Variants in BRWD1 observed in about 807,000 individuals in gnomAD.
BRWD1 encodes bromodomain and WD repeat-containing protein 1.
In BRWD1, 82 loss-of-function variants were observed where a neutral mutation model predicts 251.2. That is an observed-to-expected ratio of 0.33 (90% CI 0.27 to 0.39). The LOEUF (loss-of-function observed/expected upper bound fraction) is 0.39, where lower values mean the gene tolerates loss of function less well. BRWD1 is among the 10% of genes least tolerant of loss of function. The pLI is 1.00. For synonymous variants in BRWD1, 918 were observed against 902.8 expected (o/e 1.02, Z -0.30); for missense variants, 2,233 against 2,711.6 (o/e 0.82, Z 3.92).
rs2034863663 is a variant in BRWD1, at chr21:39,264,655, A to G, written c.1690T>C (p.Tyr564His). The change falls in exon 17 of 41, where the codon TAT (tyrosine) becomes CAT (histidine). Residue 564 changes from tyrosine to histidine, a missense_variant. By Grantham distance (83) the Tyr-to-His change is moderately conservative (BLOSUM62 2). Coordinates refer to ENST00000342449, the MANE Select transcript of BRWD1 (RefSeq NM_033656.4). ...TTAGAATCTCTAATAAGTGGTCGAT[A>G]GTCAGTATGGAAGAACATCTGATCA... ...IPDQMFFHTD[Y>H]RPLIRDSNNY... 1 of 1,611,140 alleles carries G rather than the reference A, an allele frequency of 6.2e-7. No individual in the cohort carries two copies. Among genetic ancestry groups the G allele is most frequent in the South Asian group, 1.1e-5 (1 of 90,538 alleles).
rs377313924 is a variant in BRWD1 at position 39,210,926 on chromosome 21, G to A, written c.3904C>T (p.His1302Tyr). The A allele has an allele frequency of 9.9e-6, 16 of 1,609,344 alleles. No homozygotes were observed. Among genetic ancestry groups the A allele is most frequent in the Non-Finnish European group, 1.4e-5 (16 of 1,178,578 alleles). ...GCTCTGATGCTTTTTTTCCCATCAT[G>A]GACCTAAAAATACATTCACAGTCTT... ...PKTSSGRRRV[H>Y]DGKKSIRATN... The change falls in exon 35 of 41, where the codon CAT (histidine) becomes TAT (tyrosine). Residue 1302 changes from histidine to tyrosine, a missense_variant. Coordinates refer to ENST00000342449, the MANE Select transcript of BRWD1 (RefSeq NM_033656.4).
intron 8 of BRWD1, among the ~76,000 whole-genome samples, chr21:39,285,611 A>T (rs2035607703): frequency 6.6e-6 from 1 of 152,196 alleles, no homozygotes; most frequent in African/African-American, 2.4e-5. Flanking sequence ...TTATAGGTCA[A>T]CTAAAAACAA....
At chr21:39,224,538 A>G in intron 28 of BRWD1, 69 bp from the exon 29 acceptor site, 1 of 1,028,988 alleles carries the variant, frequency 9.7e-7, no homozygotes, top group Non-Finnish European at 1.5e-6. Context: ...GGTATCCATT[A>G]TAAAAATACA....
chr21:39,236,762 C>G lies in BRWD1; in HGVS notation c.2599G>C (p.Asp867His). The G allele has an allele frequency of 6.2e-7, 1 of 1,613,502 alleles. No individual in the cohort carries two copies. Among genetic ancestry groups the G allele is most frequent in the Non-Finnish European group, 8.5e-7 (1 of 1,179,860 alleles). ...TTGATGCCCGCATCAGCTGTCCAAT[C>G]GGAATATCTAGATGAAGAGTCACTA... ...SSSDSSSRYS[D>H]WTADAGINLQ... is the part of the protein sequence containing the mutation. The change falls in exon 23 of 41, where the codon GAT becomes CAT. Residue 867 changes from aspartate (D) to histidine (H), a missense_variant. By Grantham distance (81) the Asp-to-His change is moderately conservative. Transcript: ENST00000342449.
At chr21:39,199,706 T>G in intron 39 of BRWD1, 44 bp from the exon 40 acceptor site, 1 of 1,469,652 alleles carries the variant, frequency 6.8e-7, no homozygotes. Context: ...TTTTCCTTAT[T>G]TCAACATTTT....
At chr21:39,226,610 C>T (rs142168672) in intron 27 of BRWD1, among the ~76,000 whole-genome samples, 1 of 152,310 alleles carries the variant, frequency 6.6e-6, no homozygotes, top group East Asian at 1.9e-4. Context: ...CACAACTATA[C>T]AACCTGCTAA....
chr21:39,212,799 T>A, intron 33 of BRWD1, 92 bp from the exon 34 acceptor site: 1 of 907,142 alleles, frequency 1.1e-6, no homozygotes, highest in Non-Finnish European at 1.7e-6. Flanking sequence ...AGACATTTGG[T>A]ATTACCAGAG....
chr21:39,305,310 C>T (rs1385361828), intron 4 of BRWD1, among the ~76,000 whole-genome samples: 1 of 152,054 alleles, frequency 6.6e-6, no homozygotes, highest in Non-Finnish European at 1.5e-5. Context: ...AGTAAGCTTG[C>T]AAAAATCCAT....
intron 28 of BRWD1, 117 bp downstream of exon 28, chr21:39,224,969 C>T (rs1219499999): frequency 4.0e-6 from 3 of 758,526 alleles, no homozygotes; most frequent in South Asian, 1.7e-5. Flanking sequence ...GTCAGCCTGA[C>T]ATGACTTAAT....
Position 39,280,233 on chromosome 21 carries a change from T to C in BRWD1, c.847A>G (p.Lys283Glu). Residue 283 changes from lysine to glutamate, a missense_variant, in exon 9 of 41, where the codon AAA becomes GAA. Physicochemically the swap from Lys to Glu is moderately conservative, Grantham distance 56. Coordinates refer to ENST00000342449, the MANE Select transcript of BRWD1 (RefSeq NM_033656.4). ...GAAACCATGTATCTTTGAGAGCCTT[T>C]GGCCATCGGGCTAAACTAAAAAGTA... ...ITSLQFSPMAKGSQRYMVSTG... is the reference protein window; with the variant it reads ...ITSLQFSPMAEGSQRYMVSTG... 1.2e-6 allele frequency: 2 copies of C among 1,606,210 alleles called. No homozygotes were observed. The highest frequency in any genetic ancestry group is 1.1e-5 in the South Asian group (1 of 89,086).
At chr21:39,200,480 C>G in intron 38 of BRWD1, 94 bp from the exon 39 acceptor site, 1 of 1,014,840 alleles carries the variant, frequency 9.9e-7, no homozygotes, top group Non-Finnish European at 1.4e-6. Context: ...CATTACATAA[C>G]ATTACTACAA....
intron 36 of BRWD1, 75 bp from the exon 37 acceptor site, chr21:39,206,349 G>A (rs1160119639): frequency 2.6e-6 from 3 of 1,136,236 alleles, no homozygotes; most frequent in East Asian, 2.5e-5. Flanking sequence ...TAATCATTGA[G>A]ATCCCTTGCA....
At chr21:39,251,887 A>G (rs2034405921) in intron 19 of BRWD1, among the ~76,000 whole-genome samples, 1 of 152,212 alleles carries the variant, frequency 6.6e-6, no homozygotes, top group Non-Finnish European at 1.5e-5. Flanking sequence ...CATAGGTATC[A>G]TTTTCAGCTG....
intron 19 of BRWD1, among the ~76,000 whole-genome samples, chr21:39,253,333 G>A (rs901118550): frequency 2.0e-5 from 3 of 147,142 alleles, no homozygotes; most frequent in African/African-American, 5.0e-5. Context: ...CAAGCTCCAC[G>A]ATGGGGATGA....
chr21:39,301,625 C>G (rs369934142), intron 4 of BRWD1, among the ~76,000 whole-genome samples: 94 of 152,308 alleles, frequency 6.2e-4, no homozygotes, highest in African/African-American at 2.2e-3. Flanking sequence ...GGGAACCCAT[C>G]TGAGCTGTGT....
intron 17 of BRWD1, among the ~76,000 whole-genome samples, chr21:39,260,224 C>T (rs1568925794): frequency 6.6e-6 from 1 of 151,952 alleles, no homozygotes; most frequent in Non-Finnish European, 1.5e-5. Flanking sequence ...AAGATTACAA[C>T]ATGATACCAA....
At chr21:39,228,704 AT>A (rs992665939) in intron 26 of BRWD1, 122 bp from the exon 27 acceptor site, 5 of 584,138 alleles carry the variant, frequency 8.6e-6, no homozygotes, top group Non-Finnish European at 1.2e-5. Flanking sequence ...AACCAGCTAT[AT>A]TTTAAAAGGT....
chr21:39,284,413 A>G (rs769487204), intron 8 of BRWD1, among the ~76,000 whole-genome samples: 3 of 152,182 alleles, frequency 2.0e-5, no homozygotes, highest in Non-Finnish European at 4.4e-5. Flanking sequence ...CATAAGTTTG[A>G]GGCCAAGCGA....
At chr21:39,203,462 T>TTTTTTTTTA (rs869282195) in intron 37 of BRWD1, among the ~76,000 whole-genome samples, 1 of 117,610 alleles carries the variant, frequency 8.5e-6, no homozygotes, top group Non-Finnish European at 1.8e-5. Flanking sequence ...TTTTTTTTTT[T>TTTTTTTTTA]GAGACAGAGT....
Sources: gnomAD v4.1 joint callset for allele counts (sites outside exome capture counted in the v4.1 genomes callset) on GRCh38, gnomAD v4.1.1 for gene constraint, MANE v1.5 for transcripts, NCBI Gene and HGNC (gene_info 2026-07-23, HGNC 2026-07-21) for gene names.